Variants in PKD1L1 observed in about 807,000 individuals in gnomAD.
PKD1L1 encodes polycystin-1-like protein 1.
In PKD1L1, 236 loss-of-function variants were observed where a neutral mutation model predicts 323.4. The ratio of observed to expected loss-of-function variants is 0.73; its 90% CI spans 0.66 to 0.81. PKD1L1 has a LOEUF of 0.81. Ranked by LOEUF, PKD1L1 falls within the 40% of genes least tolerant of loss-of-function variation. The probability of loss-of-function intolerance (pLI) is 0.00; values close to 1 mark genes in which losing one functional copy is unlikely to be tolerated. For missense variants in PKD1L1, 3,320 were observed against 3,508.0 expected (o/e 0.95, Z 1.35); for synonymous variants, 1,344 against 1,335.0 (o/e 1.01, Z -0.15).
intron 53 of PKD1L1, among the ~76,000 whole-genome samples, chr7:47,801,847 A>G (rs1784669136): frequency 6.6e-6 from 1 of 152,226 alleles, no homozygotes; most frequent in African/African-American, 2.4e-5. Flanking sequence ...GAATTCTGCT[A>G]CTTAATTTGG....
intron 4 of PKD1L1, among the ~76,000 whole-genome samples, chr7:47,934,485 A>G (rs568705893): frequency 5.3e-5 from 8 of 152,286 alleles, no homozygotes; most frequent in African/African-American, 1.9e-4. Context: ...AGCTGTTCCT[A>G]ATGTGACATA....
chr7:47,780,625 C>G (rs1200484429), intron 56 of PKD1L1, among the ~76,000 whole-genome samples: 1 of 137,666 alleles, frequency 7.3e-6, no homozygotes, highest in South Asian at 2.3e-4. Context: ...GAAGACTCCA[C>G]CTCAAAAAAA....
intron 21 of PKD1L1, 40 bp from the exon 22 acceptor site, chr7:47,877,671 A>G: frequency 6.2e-7 from 1 of 1,606,562 alleles, no homozygotes; most frequent in Non-Finnish European, 8.5e-7. Flanking sequence ...CCCATGATGG[A>G]GAATTACAGC....
intron 26 of PKD1L1, among the ~76,000 whole-genome samples, chr7:47,861,653 C>T (rs1046824845): frequency 3.9e-5 from 6 of 151,974 alleles, no homozygotes; most frequent in Non-Finnish European, 5.9e-5. Context: ...GAGGCCAAGG[C>T]GGGCGGATCA....
intron 52 of PKD1L1, among the ~76,000 whole-genome samples, chr7:47,805,783 A>G (rs1170224032): frequency 6.6e-6 from 1 of 152,206 alleles, no homozygotes; most frequent in East Asian, 1.9e-4. Context: ...TCCTATATCA[A>G]TGTGAGTGAC....
At chr7:47,806,719 C>T (rs2128727871) in intron 52 of PKD1L1, among the ~76,000 whole-genome samples, 1 of 152,342 alleles carries the variant, frequency 6.6e-6, no homozygotes, top group South Asian at 2.1e-4. Context: ...CCTGGTTGGC[C>T]TTGGCCAGCC....
At chr7:47,853,531 T>C (rs189352832) in intron 30 of PKD1L1, among the ~76,000 whole-genome samples, 3 of 151,290 alleles carry the variant, frequency 2.0e-5, no homozygotes, top group Admixed American at 1.3e-4. Flanking sequence ...CCACCTGAGG[T>C]TGGGAGTTTG....
At position 47,775,047 on chromosome 7, in the gene PKD1L1, CTT is replaced by C; in HGVS notation, c.*94_*95del. ...AACAAAACTTCTTCGTACCTCAGCT[CTT>C]CTCACCTGCAAAACTAGGATGTCTG... On this transcript the variant is annotated 3_prime_UTR_variant, in exon 57 of 57. Transcript: ENST00000289672. 7.4e-7 allele frequency: 1 copy of C among 1,357,134 alleles called. No individual in the cohort carries two copies. The highest frequency in any genetic ancestry group is 1.0e-6 in the Non-Finnish European group (1 of 961,000). 84.1% of individuals were successfully genotyped at this position (1,357,134 alleles called of 1,614,324 possible).
intron 15 of PKD1L1, among the ~76,000 whole-genome samples, chr7:47,892,619 GA>G (rs1462391717): frequency 1.1e-4 from 16 of 152,268 alleles, no homozygotes; most frequent in African/African-American, 3.9e-4. Flanking sequence ...AGCATTCAGG[GA>G]ATGGTTACAT....
the PKD1L1 span, among the ~76,000 whole-genome samples, chr7:47,960,484 G>C: frequency 0.1 from 14,803 of 146,642 alleles, 875 homozygotes; most frequent in South Asian, 0.2. Flanking sequence ...ACACCTTTTG[G>C]AGATGGCGTT....
Position 47,897,999 on chromosome 7 carries a change from C to T in PKD1L1, c.2260G>A (p.Ala754Thr). The change falls in exon 14 of 57, where the codon GCC becomes ACC. Residue 754 changes from alanine to threonine, a missense_variant. By Grantham distance (58) the Ala-to-Thr change is moderately conservative (BLOSUM62 0). Transcript: ENST00000289672. ...GTCAGCCAGCTGACCTTGGCAAGGG[C>T]AGTGTAGTTCCCATACTCCAAGGTG... ...SHTLEYGNYTALAKVQIEGSV... is the reference protein window; with the variant it reads ...SHTLEYGNYTTLAKVQIEGSV... 6.2e-7 allele frequency: 1 copy of T among 1,609,820 alleles called. No individual in the cohort carries two copies. Among genetic ancestry groups the T allele is most frequent in the Non-Finnish European group, 8.5e-7 (1 of 1,178,424 alleles).
chr7:47,932,041 A>G lies in PKD1L1; in HGVS notation c.414T>C (p.Pro138=). The G allele has an allele frequency of 1.2e-6, 2 of 1,611,508 alleles. No individual in the cohort carries two copies. The highest frequency in any genetic ancestry group is 2.2e-5 in the South Asian group (2 of 90,526). ...DNSADRIPHK[P]FIIIARAWSS... ...TCCAGGCCCTTGCGATTATAATGAA[A>G]GGTTTGTGGGGAATTCTGTATGGGA... Residue 138 remains proline (P), a synonymous_variant, in exon 5 of 57, where the codon CCT becomes CCC. Transcript: ENST00000289672.
At chr7:47,889,488 C>A (rs1169832681) in intron 16 of PKD1L1, among the ~76,000 whole-genome samples, 1 of 152,108 alleles carries the variant, frequency 6.6e-6, no homozygotes, top group East Asian at 1.9e-4. Context: ...TGTGGGGCTC[C>A]CTGGGCAGTG....
intron 24 of PKD1L1, among the ~76,000 whole-genome samples, chr7:47,870,500 T>A (rs1001923049): frequency 6.6e-6 from 1 of 151,582 alleles, no homozygotes; most frequent in Non-Finnish European, 1.5e-5. Flanking sequence ...CCAAAAAAAA[T>A]AGAGAATGTA....
Position 47,840,378 on chromosome 7 carries a change from A to T in PKD1L1, c.5552+83T>A. 2 of 923,492 alleles carry T rather than the reference A, an allele frequency of 2.2e-6. No homozygotes were observed. The highest frequency in any genetic ancestry group is 1.6e-5 in the African/African-American group (1 of 61,276). 57.2% of individuals were successfully genotyped at this position (923,492 alleles called of 1,614,324 possible). A position where few individuals can be genotyped will look rare whatever the true frequency, so the allele number is the denominator to read the frequency against. ...ATTAGAGACCAATGTTATGTATTCT[A>T]CTGTTTTGTATTTGTGATAAGGTTA... On this transcript the variant is annotated intron_variant, in intron 35 of 56. Transcript: ENST00000289672. This position sits in a 1 kb window ranked among gnomAD's most constrained non-coding sequence, Gnocchi z 4.1.
chr7:47,851,054 G>A (rs1307581876), intron 31 of PKD1L1, among the ~76,000 whole-genome samples: 2 of 152,146 alleles, frequency 1.3e-5, no homozygotes, highest in South Asian at 2.1e-4. Flanking sequence ...TGTTGGATTT[G>A]AATTAAGGCA....
chr7:47,953,344 G>T (rs1265346317), upstream of PKD1L1, among the ~76,000 whole-genome samples: 1 of 151,952 alleles, frequency 6.6e-6, no homozygotes, highest in East Asian at 1.9e-4. Context: ...TTCCATCAAG[G>T]TGTCCTTTCG....
chr7:47,835,849 T>A (rs1785445880), intron 37 of PKD1L1, among the ~76,000 whole-genome samples: 1 of 152,106 alleles, frequency 6.6e-6, no homozygotes, highest in African/African-American at 2.4e-5. Flanking sequence ...AAGAAATCAT[T>A]TTGTTTCTTC....
At chr7:47,821,870 G>A (rs2128732663) in intron 45 of PKD1L1, among the ~76,000 whole-genome samples, 1 of 151,992 alleles carries the variant, frequency 6.6e-6, no homozygotes, top group South Asian at 2.1e-4. Context: ...TGTATTTTTA[G>A]TAGAGATGAG....
Sources: allele counts gnomAD v4.1 joint callset (sites outside exome capture counted in the v4.1 genomes callset), GRCh38; gene constraint gnomAD v4.1.1; non-coding constraint Gnocchi (gnomAD v3.1); transcripts MANE v1.5; gene names NCBI Gene and HGNC (gene_info 2026-07-23, HGNC 2026-07-21).